Variants in ERC2 observed in about 807,000 individuals in gnomAD.
ERC2 encodes ERC protein 2.
Under a neutral mutation model 114.8 loss-of-function variants are expected in ERC2, and 42 were observed. The ratio of observed to expected loss-of-function variants is 0.37; its 90% confidence interval spans 0.29 to 0.47. The LOEUF is 0.47. Ranked by LOEUF, ERC2 falls within the 20% of genes least tolerant of loss-of-function variation. ERC2 has a pLI of 0.99. For synonymous variants in ERC2, 454 were observed against 425.5 expected, an observed-to-expected ratio of 1.07 and a Z score of -0.82; for missense variants, 939 against 1,150.7, an observed-to-expected ratio of 0.82 and a Z score of 2.66.
chr3:56,105,143 C>G (rs1440691192), intron 6 of ERC2, among the ~76,000 whole-genome samples: 1 of 151,772 alleles, frequency 6.6e-6, no homozygotes, highest in Admixed American at 6.6e-5. Flanking sequence ...GGAGCAACAG[C>G]CTGGAGGCCA....
chr3:55,546,728 C>A (rs1622798), intron 17 of ERC2, among the ~76,000 whole-genome samples: 99,712 of 152,114 alleles, frequency 0.66, 34,004 homozygotes, highest in East Asian at 0.83. Flanking sequence ...CTATGCACAG[C>A]CAGCCAGTAA....
At chr3:55,903,232 G>T (rs1308268567) in intron 13 of ERC2, among the ~76,000 whole-genome samples, 1 of 152,090 alleles carries the variant, frequency 6.6e-6, no homozygotes, top group African/African-American at 2.4e-5. Flanking sequence ...CAAAATAAAT[G>T]ATTTTCCCTA....
At chr3:55,893,197 T>G (rs1576060120) in intron 13 of ERC2, among the ~76,000 whole-genome samples, 1 of 152,196 alleles carries the variant, frequency 6.6e-6, no homozygotes, top group African/African-American at 2.4e-5. Flanking sequence ...AGCCACCTAC[T>G]GTATGGTATT....
chr3:55,597,301 T>A (rs1370663283), intron 17 of ERC2, among the ~76,000 whole-genome samples: 1 of 151,846 alleles, frequency 6.6e-6, no homozygotes, highest in Non-Finnish European at 1.5e-5. Flanking sequence ...GTGCCTATAG[T>A]TCCAGCCACT....
chr3:55,697,535 C>T (rs1478437201), intron 16 of ERC2, among the ~76,000 whole-genome samples: 5 of 152,144 alleles, frequency 3.3e-5, no homozygotes, highest in Admixed American at 2.6e-4. Context: ...TTTGTGATTA[C>T]ACCTCTCTGG....
At chr3:55,965,763 T>C (rs2149476113) in intron 12 of ERC2, among the ~76,000 whole-genome samples, 1 of 152,302 alleles carries the variant, frequency 6.6e-6, no homozygotes, top group East Asian at 1.9e-4. Flanking sequence ...ACTACAAAAA[T>C]AAATGGCTGA....
At chr3:55,935,410 A>G (rs1197585168) in intron 13 of ERC2, among the ~76,000 whole-genome samples, 1 of 152,212 alleles carries the variant, frequency 6.6e-6, no homozygotes, top group Non-Finnish European at 1.5e-5. Context: ...ACACAGGTTT[A>G]GTGTTCCCTG....
At position 55,922,327 on chromosome 3, in the gene ERC2, G is replaced by A. The variant is rs188411151; in HGVS notation, c.2403+28098C>T. On this transcript the variant is annotated intron_variant, in intron 13 of 17. Coordinates refer to ENST00000288221, the MANE Select transcript of ERC2 (RefSeq NM_015576.3). Reference sequence around the variant, plus strand: ...AGTAATTATGGTGAGATAATCAAAGGCCTCCACACTGAAAAAAAAAATTGT... The same window carrying A: ...AGTAATTATGGTGAGATAATCAAAGACCTCCACACTGAAAAAAAAAATTGT... 5.0e-3 allele frequency among the ~76,000 whole-genome samples: 753 copies of A among 151,880 alleles called. 6 individuals carry two copies. Among genetic ancestry groups the A allele is most frequent in the African/African-American group, 0.017 (716 of 41,426 alleles).
chr3:56,387,103 A>G (rs2059960194), intron 2 of ERC2, among the ~76,000 whole-genome samples: 1 of 152,210 alleles, frequency 6.6e-6, no homozygotes, highest in Non-Finnish European at 1.5e-5. Context: ...TGTGAAGTGC[A>G]CTAATCTATA....
At chr3:56,039,788 A>C (rs1411813691) in intron 7 of ERC2, among the ~76,000 whole-genome samples, 3 of 152,226 alleles carry the variant, frequency 2.0e-5, no homozygotes, top group Non-Finnish European at 4.4e-5. Context: ...TGCTGGCATA[A>C]AAACAAACAT....
At chr3:56,435,178 C>CA (rs2061961633) in intron 1 of ERC2, 31 bp from the exon 2 acceptor site, 1 of 590,742 alleles carries the variant, frequency 1.7e-6, no homozygotes, top group African/African-American at 1.9e-5. Flanking sequence ...TAATTAAAAA[C>CA]AAATTTCTTT....
chr3:56,325,483 G>A (rs1312828634), intron 2 of ERC2, among the ~76,000 whole-genome samples: 1 of 151,974 alleles, frequency 6.6e-6, no homozygotes, highest in Non-Finnish European at 1.5e-5. Flanking sequence ...CCCAATGCTG[G>A]TGACAATGCT....
intron 6 of ERC2, among the ~76,000 whole-genome samples, chr3:56,094,198 A>C (rs1461842471): frequency 2.0e-5 from 3 of 152,206 alleles, no homozygotes; most frequent in Non-Finnish European, 4.4e-5. Flanking sequence ...ATGGGTAAGA[A>C]AGGTTTGAGT....
intron 15 of ERC2, among the ~76,000 whole-genome samples, chr3:55,714,686 T>A (rs1356685806): frequency 4.1e-5 from 1 of 24,416 alleles, no homozygotes; most frequent in Non-Finnish European, 9.2e-5. Flanking sequence ...TATATATATA[T>A]ATATATATAT....
At chr3:56,149,167 A>G (rs747178519) in intron 4 of ERC2, 35 bp from the exon 5 acceptor site, 3 of 1,515,296 alleles carry the variant, frequency 2.0e-6, no homozygotes, top group South Asian at 2.5e-5. Context: ...AGAAAAATAA[A>G]GAATAAAAAT....
At chr3:56,143,401 G>T (rs1160823404) in intron 5 of ERC2, among the ~76,000 whole-genome samples, 1 of 152,128 alleles carries the variant, frequency 6.6e-6, no homozygotes, top group Non-Finnish European at 1.5e-5. Context: ...TACATGTCAT[G>T]GGAGGGACCC....
chr3:56,111,250 A>G (rs565276576), intron 6 of ERC2, among the ~76,000 whole-genome samples: 19 of 151,914 alleles, frequency 1.3e-4, no homozygotes, highest in Non-Finnish European at 2.6e-4. Context: ...AAGACAAGCA[A>G]TCAGCTCAAT....
intron 14 of ERC2, among the ~76,000 whole-genome samples, chr3:55,808,403 A>G (rs2059571648): frequency 6.6e-6 from 1 of 152,068 alleles, no homozygotes; most frequent in Admixed American, 6.5e-5. Flanking sequence ...AGTGATCACA[A>G]TTCTTTTTAC....
In ERC2 at chr3:55,904,679, C is replaced by T. The variant is rs73075350; in HGVS notation, c.2404-16130G>A. Among the ~76,000 whole-genome samples, 1,291 of 152,298 alleles carry T rather than the reference C, an allele frequency of 8.5e-3. 7 individuals are homozygous for T. The highest frequency in any genetic ancestry group is 0.014 in the Non-Finnish European group (946 of 68,028). On this transcript the variant is annotated intron_variant, in intron 13 of 17. Coordinates refer to ENST00000288221, the MANE Select transcript of ERC2 (RefSeq NM_015576.3). ...GATGAGTCTAATAAAGTATAACTCA[C>T]TCTACTCTTCAGTGAAGAAAGAAAG... is the stretch of plus-strand genomic sequence containing the variant.
Sources: allele counts gnomAD v4.1 joint callset (sites outside exome capture counted in the v4.1 genomes callset), GRCh38; gene constraint gnomAD v4.1.1; transcripts MANE v1.5; gene names NCBI Gene and HGNC (gene_info 2026-07-23, HGNC 2026-07-21).